Variants in FRMPD4 observed in about 807,000 individuals in gnomAD.
FRMPD4 encodes the protein FERM and PDZ domain-containing protein 4.
A neutral mutation model predicts 94.1 loss-of-function variants in FRMPD4; 22 were observed. That is an observed-to-expected ratio of 0.23 (90% confidence interval 0.17 to 0.33). The LOEUF (loss-of-function observed/expected upper bound fraction) is 0.33. Among genes scored for constraint, FRMPD4 ranks in the 10% least tolerant of loss-of-function variants. FRMPD4 has a pLI of 1.00. For missense variants in FRMPD4, 1,111 were observed against 1,339.9 expected (o/e 0.83, Z 2.67); for synonymous variants, 631 against 548.6 (o/e 1.15, Z -2.10).
intron 3 of FRMPD4, among the ~76,000 whole-genome samples, chrX:12,060,267 GTT>G (rs368187952): frequency 0.041 from 3,810 of 92,990 alleles, 194 homozygotes; most frequent in African/African-American, 0.14. Context: ...CTAGGAACTG[GTT>G]TTTTTTTTTT....
chrX:12,515,599 A>C (rs1381777283), intron 2 of FRMPD4, among the ~76,000 whole-genome samples: 2 of 111,816 alleles, frequency 1.8e-5, no homozygotes, highest in African/African-American at 6.5e-5. Flanking sequence ...GGAGTGTTTC[A>C]CTTCCCTTTA....
chrX:12,211,887 A>C (rs916310296), intron 1 of FRMPD4, among the ~76,000 whole-genome samples: 6 of 112,296 alleles, frequency 5.3e-5, no homozygotes, highest in Non-Finnish European at 1.1e-4. Context: ...TTTCAGCTTA[A>C]AATGGCAAAA....
intron 2 of FRMPD4, among the ~76,000 whole-genome samples, chrX:12,540,423 A>T (rs1356284922): frequency 8.9e-6 from 1 of 111,796 alleles, no homozygotes; most frequent in African/African-American, 3.3e-5. Flanking sequence ...ACACAAAAAA[A>T]GGCAGGGATT....
At chrX:12,181,351 C>A (rs1001330263) in intron 1 of FRMPD4, among the ~76,000 whole-genome samples, 9 of 111,785 alleles carry the variant, frequency 8.1e-5, no homozygotes, top group Non-Finnish European at 1.5e-4. Context: ...AAAATAGACT[C>A]CCTTATGAAG....
intron 2 of FRMPD4, among the ~76,000 whole-genome samples, chrX:12,560,019 G>A (rs372370124): frequency 2.6e-3 from 106 of 41,544 alleles, no homozygotes; most frequent in African/African-American, 0.021. Flanking sequence ...TATTGAGTTC[G>A]GGAAGTGAAC....
At chrX:12,636,165 G>A (rs937516899) in intron 4 of FRMPD4, among the ~76,000 whole-genome samples, 1 of 112,028 alleles carries the variant, frequency 8.9e-6, no homozygotes, top group Admixed American at 9.5e-5. Flanking sequence ...TCTCATTATA[G>A]CATATTTGAA....
At chrX:11,884,078 G>A (rs1011380242) in intron 3 of FRMPD4, among the ~76,000 whole-genome samples, 2 of 111,390 alleles carry the variant, frequency 1.8e-5, no homozygotes, top group East Asian at 2.8e-4. Flanking sequence ...GGTGGGATGA[G>A]GTAGGGTACA....
intron 3 of FRMPD4, among the ~76,000 whole-genome samples, chrX:11,982,546 C>T (rs1345145069): frequency 1.8e-5 from 2 of 110,863 alleles, no homozygotes; most frequent in Admixed American, 9.5e-5. Flanking sequence ...TCTGATTAGA[C>T]GAATAAAACC....
rs2042255880 is a variant in FRMPD4, at chrX:12,722,316, T to C, written c.*458T>C. 1 of 112,357 alleles carries C rather than the reference T, an allele frequency of 8.9e-6. No homozygotes were observed. Among genetic ancestry groups the C allele is most frequent in the Admixed American group, 9.4e-5 (1 of 10,620 alleles). The allele number at this position is 112,357 out of a possible 1,213,427, so 9.3% of individuals were successfully genotyped here. On this transcript the variant is annotated 3_prime_UTR_variant, in exon 17 of 17. Coordinates refer to ENST00000675598, the MANE Select transcript of FRMPD4 (RefSeq NM_001368397.1). The stretch of plus-strand genomic sequence containing the variant: ...TACTTATGTTTTAAAATTATGATTT[T>C]TAAGCATTGGAAATAGCAAAAAGAC...
At chrX:11,912,781 C>CAA (rs759252236) in intron 3 of FRMPD4, among the ~76,000 whole-genome samples, 2,298 of 85,288 alleles carry the variant, frequency 0.027, 30 homozygotes, top group African/African-American at 0.053. Flanking sequence ...AATGGAATTA[C>CAA]AAAAAAAAAA....
At position 12,335,919 on chromosome X, in the gene FRMPD4, C is replaced by T. The variant is rs930714811; in HGVS notation, c.42-162761C>T. On this transcript the variant is annotated intron_variant, in intron 1 of 16. Coordinates refer to ENST00000675598, the MANE Select transcript of FRMPD4 (RefSeq NM_001368397.1). The stretch of plus-strand genomic sequence containing the variant: ...CGCCTCAATCACCTTACTTATGACT[C>T]TAATTTGCACAGAAGCATTGACTGC... Among the ~76,000 whole-genome samples the T allele has an allele frequency of 1.2e-4, 14 of 112,354 alleles. No individual in the cohort carries two copies. In the East Asian group the frequency reaches 3.9e-3, roughly 31 times the overall value.
intron 1 of FRMPD4, among the ~76,000 whole-genome samples, chrX:12,240,292 A>C (rs1248965968): frequency 8.9e-6 from 1 of 111,910 alleles, no homozygotes; most frequent in Non-Finnish European, 1.9e-5. Context: ...ACTTCGTGGA[A>C]CTCTCAGGCG....
chrX:12,354,743 A>G (rs772805983), intron 1 of FRMPD4, among the ~76,000 whole-genome samples: 102 of 112,198 alleles, frequency 9.1e-4, no homozygotes, highest in Non-Finnish European at 1.9e-3. Context: ...AAGTAGCTGT[A>G]TAATCATTAA....
chrX:12,046,412 C>T (rs1265069366), intron 3 of FRMPD4, among the ~76,000 whole-genome samples: 1 of 110,265 alleles, frequency 9.1e-6, no homozygotes, highest in Non-Finnish European at 1.9e-5. Flanking sequence ...GCTGGGTGTC[C>T]TCCAATTAAA....
intron 3 of FRMPD4, among the ~76,000 whole-genome samples, chrX:11,883,706 A>C (rs2053827274): frequency 8.9e-6 from 1 of 112,077 alleles, no homozygotes; most frequent in African/African-American, 3.2e-5. Context: ...TGAATCTTCC[A>C]GTACGTATGC....
intron 3 of FRMPD4, among the ~76,000 whole-genome samples, chrX:11,934,423 G>T (rs1027715923): frequency 3.0e-4 from 34 of 111,720 alleles, no homozygotes; most frequent in African/African-American, 6.5e-5. Context: ...CTCCCTGGCT[G>T]CTTGAGACAG....
intron 2 of FRMPD4, among the ~76,000 whole-genome samples, chrX:12,541,192 G>A (rs1288730600): frequency 1.8e-5 from 2 of 111,519 alleles, no homozygotes; most frequent in Admixed American, 9.6e-5. Context: ...AGAGAAGCAA[G>A]AGCAAACACA....
chrX:12,223,743 A>G (rs748563890), intron 1 of FRMPD4, among the ~76,000 whole-genome samples: 11 of 111,947 alleles, frequency 9.8e-5, no homozygotes, highest in Non-Finnish European at 1.9e-4. Flanking sequence ...TATTATAGCC[A>G]TTCTAGTGGG....
chrX:12,423,987 CAAG>C (rs974493510), intron 1 of FRMPD4, among the ~76,000 whole-genome samples: 1 of 112,129 alleles, frequency 8.9e-6, no homozygotes, highest in Non-Finnish European at 1.9e-5. Flanking sequence ...CAGAAAAGAA[CAAG>C]AAGCTTTCAA....
Sources: allele counts gnomAD v4.1 joint callset (sites outside exome capture counted in the v4.1 genomes callset), GRCh38; gene constraint gnomAD v4.1.1; transcripts MANE v1.5; gene names NCBI Gene and HGNC (gene_info 2026-07-23, HGNC 2026-07-21).